SNTG1: variants seen among roughly 807,000 people sequenced by gnomAD.
SNTG1 encodes the protein syntrophin gamma 1, also known as gamma-1-syntrophin.
A neutral mutation model predicts 74.7 loss-of-function variants in SNTG1; 39 were observed. The observed-to-expected ratio is 0.52, with a 90% CI of 0.40 to 0.68. SNTG1 has a LOEUF of 0.68. Among genes scored for constraint, SNTG1 ranks in the 30% least tolerant of loss-of-function variants. The pLI is 0.00. For missense variants in SNTG1, 685 were observed against 609.5 expected (o/e 1.12, Z -1.30); for synonymous variants, 254 against 217.1 (o/e 1.17, Z -1.49).
At chr8:50,000,233 G>A (rs1013100993) in intron 1 of SNTG1, among the ~76,000 whole-genome samples, 4 of 151,718 alleles carry the variant, frequency 2.6e-5, no homozygotes, top group Admixed American at 6.6e-5. Context: ...GCTTACTTCC[G>A]GGCTTTTAAT....
In SNTG1 at chr8:49,930,113, T is replaced by C. The variant is rs866979562; in HGVS notation, c.-103+17882T>C. ...AGACTGCTTCGAAAACAATTTATAC[T>C]AAATAGCCAAGAAAAAAATATCTTG... On this transcript the variant is annotated intron_variant, in intron 1 of 18. Transcript: ENST00000642720. Among the ~76,000 whole-genome samples the C allele has an allele frequency of 5.3e-5, 8 of 151,960 alleles. No homozygotes were observed. In the South Asian group the frequency reaches 1.0e-3, roughly 20 times the overall value.
rs1554580679 is a variant in SNTG1 at position 50,115,576 on chromosome 8, A to AAAAAAAAAAACAAAAAAAAAC, written c.-102-56975_-102-56974insCAAAAAAAAACAAAAAAAAAA. On this transcript the variant is annotated intron_variant, in intron 1 of 18. Transcript: ENST00000642720. ...GAGCGAGACTCTGTCTCAAAAAAAA[A>AAAAAAAAAAACAAAAAAAAAC]AAAAAAAAAAACGAGATGGTTGAAG... 7.4e-4 allele frequency among the ~76,000 whole-genome samples: 61 copies of AAAAAAAAAAACAAAAAAAAAC among 82,908 alleles called. 6 individuals are homozygous for AAAAAAAAAAACAAAAAAAAAC. The highest frequency in any genetic ancestry group is 1.5e-3 in the Admixed American group (8 of 5,430). 54.4% of individuals were successfully genotyped at this position (82,908 alleles called of 152,430 possible).
chr8:50,093,697 A>G (rs1487711043), intron 1 of SNTG1, among the ~76,000 whole-genome samples: 1 of 152,152 alleles, frequency 6.6e-6, no homozygotes, highest in Non-Finnish European at 1.5e-5. Flanking sequence ...TTAGTTATAA[A>G]GTATAGGGGC....
chr8:50,151,603 T>C (rs561843084), intron 1 of SNTG1, among the ~76,000 whole-genome samples: 16 of 152,358 alleles, frequency 1.1e-4, no homozygotes, highest in African/African-American at 2.6e-4. Context: ...GATTCTGGTA[T>C]GTTTTGTCTT....
intron 8 of SNTG1, among the ~76,000 whole-genome samples, chr8:50,474,697 T>C (rs1055463760): frequency 2.0e-5 from 3 of 152,000 alleles, no homozygotes; most frequent in Non-Finnish European, 4.4e-5. Flanking sequence ...GAACTAGAAA[T>C]ACCATTTGAC....
chr8:50,574,831 TA>T (rs1186457190), intron 12 of SNTG1, among the ~76,000 whole-genome samples: 1 of 152,192 alleles, frequency 6.6e-6, no homozygotes, highest in Non-Finnish European at 1.5e-5. Context: ...GCTGACTATT[TA>T]TTTGCATAAG....
chr8:50,567,732 C>T (rs1374651974), intron 12 of SNTG1, among the ~76,000 whole-genome samples: 2 of 151,996 alleles, frequency 1.3e-5, no homozygotes, highest in African/African-American at 4.8e-5. Context: ...GAACTCATTA[C>T]AATTGTACAT....
intron 12 of SNTG1, among the ~76,000 whole-genome samples, chr8:50,577,462 T>G (rs1051483638): frequency 6.2e-5 from 9 of 146,302 alleles, no homozygotes; most frequent in African/African-American, 2.0e-4. Context: ...TTTTTTTTTG[T>G]TTTTTTTTTT....
At chr8:50,558,568 A>T (rs2094469606) in intron 12 of SNTG1, among the ~76,000 whole-genome samples, 1 of 152,000 alleles carries the variant, frequency 6.6e-6, no homozygotes, top group African/African-American at 2.4e-5. Flanking sequence ...ATGTTCTCAG[A>T]TAGTTAGTTG....
chr8:50,319,209 C>T (rs978206190), intron 2 of SNTG1, among the ~76,000 whole-genome samples: 2 of 151,864 alleles, frequency 1.3e-5, no homozygotes, highest in African/African-American at 4.8e-5. Flanking sequence ...TACAAAAGTA[C>T]AAAAATTAGC....
intron 15 of SNTG1, among the ~76,000 whole-genome samples, chr8:50,661,734 A>G (rs2095224823): frequency 6.6e-6 from 1 of 152,080 alleles, no homozygotes; most frequent in Admixed American, 6.6e-5. Context: ...CTGGTGTGTG[A>G]TGTTCTACTT....
chr8:50,658,600 C>T lies in SNTG1; in HGVS notation c.975C>T (p.Thr325=). The T allele has an allele frequency of 6.2e-7, 1 of 1,605,928 alleles. No individual in the cohort carries two copies. The highest frequency in any genetic ancestry group is 8.5e-7 in the Non-Finnish European group (1 of 1,174,452). Residue 325 remains threonine (T), a synonymous_variant, in exon 15 of 19, where the codon ACC becomes ACT. Coordinates refer to ENST00000642720, the MANE Select transcript of SNTG1 (RefSeq NM_018967.5). ...TTTCTTATCTTTTAAAGGTGACCAC[C>T]TGGGACTGGACGAGAGCAGAGAAAA... ...LYKFLAPPVT[T]WDWTRAEKTF... is the part of the protein sequence containing the mutation.
chr8:50,330,418 A>T (rs978251628), intron 2 of SNTG1, among the ~76,000 whole-genome samples: 10 of 152,214 alleles, frequency 6.6e-5, no homozygotes, highest in African/African-American at 2.4e-4. Flanking sequence ...GACTAATACA[A>T]CATCATCATC....
At position 50,266,684 on chromosome 8, in the gene SNTG1, G is replaced by GTGTGTATA. The variant is rs371676511; in HGVS notation, c.-28+94050_-28+94051insGTGTATAT. Among the ~76,000 whole-genome samples the GTGTGTATA allele has an allele frequency of 7.3e-3, 994 of 136,744 alleles. 27 individuals are homozygous for GTGTGTATA. The highest frequency in any genetic ancestry group is 0.051 in the Admixed American group (691 of 13,602). The allele number at this position is 136,744 out of a possible 152,430, so 89.7% of individuals were successfully genotyped here. The stretch of plus-strand genomic sequence containing the variant: ...TGTGTGTGTGTGTGTGTGTGTGTGT[G>GTGTGTATA]TATATATATATATATGAATGATACA... On this transcript the variant is annotated intron_variant, in intron 2 of 18. Transcript: ENST00000642720.
At chr8:50,355,955 C>T (rs1422015317) in intron 2 of SNTG1, among the ~76,000 whole-genome samples, 1 of 152,102 alleles carries the variant, frequency 6.6e-6, no homozygotes, top group Admixed American at 6.5e-5. Flanking sequence ...GCAGGGAGTT[C>T]GTTCACAACA....
intron 1 of SNTG1, among the ~76,000 whole-genome samples, chr8:50,033,624 G>T (rs1292804093): frequency 6.6e-6 from 1 of 152,054 alleles, no homozygotes; most frequent in East Asian, 1.9e-4. Flanking sequence ...ATTGTAGATG[G>T]CTGCTTTCTC....
At chr8:49,916,730 G>A (rs1806070562) in intron 1 of SNTG1, among the ~76,000 whole-genome samples, 1 of 152,008 alleles carries the variant, frequency 6.6e-6, no homozygotes, top group African/African-American at 2.4e-5. Flanking sequence ...AAAAGGCCAA[G>A]TACAGTGGCT....
intron 2 of SNTG1, among the ~76,000 whole-genome samples, chr8:50,327,782 T>C (rs1197190059): frequency 6.6e-6 from 1 of 152,122 alleles, no homozygotes; most frequent in Non-Finnish European, 1.5e-5. Context: ...TTGCACATTT[T>C]ATATGCTTCC....
At chr8:50,373,366 G>A (rs934193206) in intron 2 of SNTG1, among the ~76,000 whole-genome samples, 37 of 152,258 alleles carry the variant, frequency 2.4e-4, no homozygotes, top group African/African-American at 8.2e-4. Context: ...AATCTCACTT[G>A]TTAAGTCTAG....
Sources: gnomAD v4.1 joint callset for allele counts (sites outside exome capture counted in the v4.1 genomes callset) on GRCh38, gnomAD v4.1.1 for gene constraint, MANE v1.5 for transcripts, NCBI Gene and HGNC (gene_info 2026-07-23, HGNC 2026-07-21) for gene names.